The following RNGTT variants were observed in gnomAD, a reference collection of about 807,000 sequenced individuals.
RNGTT encodes mRNA-capping enzyme.
RNGTT carries 33 observed loss-of-function variants against 79.3 expected under a neutral mutation model. The ratio of observed to expected loss-of-function variants is 0.42; its 90% CI spans 0.32 to 0.56. The LOEUF (loss-of-function observed/expected upper bound fraction) is 0.56, where lower values mean the gene tolerates loss of function less well. Among genes scored for constraint, RNGTT ranks in the 20% least tolerant of loss-of-function variants. The probability of loss-of-function intolerance (pLI) is 0.17; values close to 1 mark genes in which losing one functional copy is unlikely to be tolerated. For synonymous variants in RNGTT, 222 were observed against 235.9 expected, an observed-to-expected ratio of 0.94 and a Z score of 0.54; for missense variants, 497 against 739.1, an observed-to-expected ratio of 0.67 and a Z score of 3.80.
intron 8 of RNGTT, among the ~76,000 whole-genome samples, chr6:88,861,846 AT>A (rs1218517090): frequency 1.3e-5 from 2 of 152,146 alleles, no homozygotes; most frequent in Non-Finnish European, 2.9e-5. Context: ...TAAACTTCTT[AT>A]GTTACAATGG....
intron 8 of RNGTT, among the ~76,000 whole-genome samples, chr6:88,871,886 G>A (rs571933946): frequency 3.3e-5 from 5 of 152,190 alleles, no homozygotes; most frequent in Admixed American, 1.3e-4. Context: ...CCACGAAGAA[G>A]ATGGAAAAGA....
intron 14 of RNGTT, among the ~76,000 whole-genome samples, chr6:88,641,892 G>A (rs1452618669): frequency 3.3e-5 from 5 of 152,076 alleles, no homozygotes; most frequent in Non-Finnish European, 5.9e-5. Context: ...AAATATTTAC[G>A]ATCACAGGAG....
At chr6:88,858,408 T>C (rs1384196496) in intron 8 of RNGTT, among the ~76,000 whole-genome samples, 2 of 152,062 alleles carry the variant, frequency 1.3e-5, no homozygotes, top group African/African-American at 2.4e-5. Flanking sequence ...ATAATACATA[T>C]TAGAACAGTG....
At chr6:88,837,876 C>T (rs531233738) in intron 11 of RNGTT, among the ~76,000 whole-genome samples, 1 of 152,164 alleles carries the variant, frequency 6.6e-6, no homozygotes, top group South Asian at 2.1e-4. Context: ...AGCATTCCCA[C>T]TCAAATCAGG....
At chr6:88,637,340 T>C (rs1773136382) in intron 14 of RNGTT, among the ~76,000 whole-genome samples, 1 of 152,082 alleles carries the variant, frequency 6.6e-6, no homozygotes, top group South Asian at 2.1e-4. Flanking sequence ...TGGCAGTAAA[T>C]GAAGAAAAAT....
At chr6:88,691,145 AT>A (rs1397163732) in intron 13 of RNGTT, among the ~76,000 whole-genome samples, 1 of 152,132 alleles carries the variant, frequency 6.6e-6, no homozygotes, top group Non-Finnish European at 1.5e-5. Flanking sequence ...GCTCATGGGA[AT>A]GGATTTCCCC....
intron 12 of RNGTT, among the ~76,000 whole-genome samples, chr6:88,774,312 C>T (rs892963181): frequency 3.4e-5 from 5 of 147,088 alleles, no homozygotes; most frequent in Admixed American, 2.0e-4. Context: ...GAAAAAAAAA[C>T]ACAGAAACTA....
At chr6:88,781,321 A>G (rs1301764599) in intron 12 of RNGTT, among the ~76,000 whole-genome samples, 1 of 152,184 alleles carries the variant, frequency 6.6e-6, no homozygotes, top group Non-Finnish European at 1.5e-5. Context: ...TATTATTTCC[A>G]CTAGTAAAAT....
chr6:88,641,754 G>A (rs1773328262), intron 14 of RNGTT, among the ~76,000 whole-genome samples: 1 of 152,148 alleles, frequency 6.6e-6, no homozygotes, highest in South Asian at 2.1e-4. Context: ...AGTAAAGGCA[G>A]CAGACTCATT....
intron 11 of RNGTT, among the ~76,000 whole-genome samples, chr6:88,832,094 C>T (rs1196788919): frequency 6.6e-6 from 1 of 151,998 alleles, no homozygotes; most frequent in Non-Finnish European, 1.5e-5. Context: ...AACTACTTTA[C>T]ATTTCATATG....
intron 6 of RNGTT, among the ~76,000 whole-genome samples, chr6:88,896,016 C>T (rs1295612860): frequency 6.6e-6 from 1 of 152,152 alleles, no homozygotes; most frequent in Non-Finnish European, 1.5e-5. Context: ...TAAAAGCTAG[C>T]TCTCCCTAGA....
chr6:88,932,646 T>C (rs1784546918), intron 2 of RNGTT, among the ~76,000 whole-genome samples: 3 of 152,166 alleles, frequency 2.0e-5, no homozygotes, highest in Admixed American at 2.0e-4. Flanking sequence ...AGAACCTACG[T>C]TGAAATATTG....
At chr6:88,913,927 T>A (rs770068826) in intron 4 of RNGTT, among the ~76,000 whole-genome samples, 4 of 152,144 alleles carry the variant, frequency 2.6e-5, no homozygotes, top group Non-Finnish European at 5.9e-5. Context: ...GTTCTCTATT[T>A]CAGTAAATTT....
Position 88,900,171 on chromosome 6 carries a change from G to A in RNGTT, c.684+4544C>T, listed in dbSNP as rs550352078. 1.8e-4 allele frequency among the ~76,000 whole-genome samples: 26 copies of A among 148,346 alleles called. No homozygotes were observed. The South Asian group carries it at 1.9e-3, about 11-fold the overall frequency. ...ACTATAATTGACTAGATATCAAAAG[G>A]ACACGAGAAAAAAAACTTAAAAAAA... On this transcript the variant is annotated intron_variant, in intron 6 of 15. Transcript: ENST00000369485.
In RNGTT at chr6:88,612,880, C is replaced by G. The variant is rs1562148549; in HGVS notation, c.1633G>C (p.Val545Leu). 6.2e-7 allele frequency: 1 copy of G among 1,613,186 alleles called. No individual in the cohort carries two copies. Among genetic ancestry groups the G allele is most frequent in the Admixed American group, 1.7e-5 (1 of 59,976 alleles). Residue 545 changes from valine (V) to leucine (L), a missense_variant and splice_region_variant, in exon 16 of 16, where the codon GTG becomes CTG. Coordinates refer to ENST00000369485, the MANE Select transcript of RNGTT (RefSeq NM_003800.5). ...FPNAYNTAMAVCNSISNPVTK... is the reference protein window; with the variant it reads ...FPNAYNTAMALCNSISNPVTK... ...ACAGGGTTTGAGATGCTGTTACACA[C>G]AGCTGTGGACAAAGGGAGACAGGTC...
intron 4 of RNGTT, among the ~76,000 whole-genome samples, chr6:88,916,538 AAT>A (rs1471517272): frequency 6.6e-6 from 1 of 152,230 alleles, no homozygotes; most frequent in African/African-American, 2.4e-5. Flanking sequence ...ATTATATCTC[AAT>A]ATGTTGTTTT....
chr6:88,767,186 T>C (rs981338645), intron 13 of RNGTT, among the ~76,000 whole-genome samples: 4 of 152,146 alleles, frequency 2.6e-5, no homozygotes, highest in South Asian at 2.1e-4. Flanking sequence ...CTGATGTAAA[T>C]TGCATATTCC....
At chr6:88,923,540 T>C (rs1367078781) in intron 4 of RNGTT, among the ~76,000 whole-genome samples, 2 of 152,144 alleles carry the variant, frequency 1.3e-5, no homozygotes, top group African/African-American at 4.8e-5. Context: ...GAAAAGTTTA[T>C]TGAGTCAGCC....
intron 13 of RNGTT, among the ~76,000 whole-genome samples, chr6:88,733,365 C>T (rs867241428): frequency 2.4e-4 from 36 of 150,936 alleles, no homozygotes; most frequent in Middle Eastern, 3.4e-3. Flanking sequence ...TCTTCACCCC[C>T]CACCCCCCCT....
Sources: allele counts gnomAD v4.1 joint callset (sites outside exome capture counted in the v4.1 genomes callset), GRCh38; gene constraint gnomAD v4.1.1; transcripts MANE v1.5; gene names NCBI Gene and HGNC (gene_info 2026-07-23, HGNC 2026-07-21).